Variants in ARHGAP8 observed in about 807,000 individuals in gnomAD.
ARHGAP8 encodes the protein rho GTPase-activating protein 8.
In ARHGAP8, 62 loss-of-function variants were observed where a neutral mutation model predicts 46.1. The observed-to-expected ratio is 1.34, with a 90% CI of 1.10 to 1.66. The LOEUF is 1.66. Ranked by LOEUF, ARHGAP8 falls within the 40% of genes most tolerant of loss-of-function variation. ARHGAP8 has a pLI of 0.00. For missense variants in ARHGAP8, 923 were observed against 568.4 expected, an observed-to-expected ratio of 1.62 and a Z score of -6.34; for synonymous variants, 375 against 243.1, an observed-to-expected ratio of 1.54 and a Z score of -5.05.
At chr22:44,856,683 A>G (rs2070234790) in intron 10 of ARHGAP8, among the ~76,000 whole-genome samples, 1 of 144,502 alleles carries the variant, frequency 6.9e-6, no homozygotes, top group Non-Finnish European at 1.5e-5. Context: ...CGAAAGGAGA[A>G]TCGTATCCCA....
chr22:44,807,162 T>A (rs1928989018), intron 3 of ARHGAP8, among the ~76,000 whole-genome samples: 3 of 151,948 alleles, frequency 2.0e-5, no homozygotes, highest in Admixed American at 1.3e-4. Flanking sequence ...GTGGGTTAAT[T>A]ACAAGATGTG....
chr22:44,836,687 C>T (rs746064177), intron 7 of ARHGAP8, among the ~76,000 whole-genome samples: 1 of 151,738 alleles, frequency 6.6e-6, no homozygotes, highest in African/African-American at 2.4e-5. Context: ...GTGCAAGCTG[C>T]AGCCATTCAT....
At chr22:44,806,448 C>T (rs10222313) in intron 3 of ARHGAP8, among the ~76,000 whole-genome samples, 39,940 of 152,136 alleles carry the variant, frequency 0.26, 5,996 homozygotes, top group East Asian at 0.4. Flanking sequence ...TTCTCAGAGA[C>T]GCTGAGTGTG....
chr22:44,833,816 C>A (rs1251532211), intron 7 of ARHGAP8, among the ~76,000 whole-genome samples: 5 of 152,136 alleles, frequency 3.3e-5, no homozygotes, highest in Admixed American at 2.6e-4. Flanking sequence ...TTTAAAATTA[C>A]TAATGTAACC....
intron 1 of ARHGAP8, among the ~76,000 whole-genome samples, chr22:44,764,471 C>T (rs902542272): frequency 5.9e-5 from 9 of 152,138 alleles, no homozygotes; most frequent in African/African-American, 2.2e-4. Flanking sequence ...GGTGGTGGCG[C>T]GTGCGACGGT....
intron 5 of ARHGAP8, among the ~76,000 whole-genome samples, chr22:44,815,818 A>G (rs1929698723): frequency 6.6e-6 from 1 of 151,580 alleles, no homozygotes; most frequent in Non-Finnish European, 1.5e-5. Flanking sequence ...TGTATGCATC[A>G]GGCACAAACT....
At chr22:44,838,123 G>A (rs1385089311) in intron 7 of ARHGAP8, among the ~76,000 whole-genome samples, 6 of 150,218 alleles carry the variant, frequency 4.0e-5, no homozygotes, top group Admixed American at 2.7e-4. Context: ...ACAGGAGTGC[G>A]CCACCATGCC....
chr22:44,859,460 G>A (rs553215036), intron 10 of ARHGAP8, among the ~76,000 whole-genome samples: 3 of 152,286 alleles, frequency 2.0e-5, no homozygotes, highest in East Asian at 1.9e-4. Context: ...AGCTGAACAG[G>A]TGCTGGTGCC....
rs147582478 is a variant in ARHGAP8 at position 44,845,299 on chromosome 22, C to A, written c.627C>A (p.Ile209=). Residue 209 remains isoleucine, a synonymous_variant, in exon 8 of 12, where the codon ATC becomes ATA. Transcript: ENST00000356099. The stretch of plus-strand genomic sequence containing the variant: ...AAGACAAAAATCAAGGCGAACTCAT[C>A]CCCCCTGTGCTGAGGTTCACAGTGA... The part of the protein sequence containing the change: ...YLKDKNQGEL[I]PPVLRFTVTY... 400 of 1,614,032 alleles carry A rather than the reference C, an allele frequency of 2.5e-4. No homozygotes were observed. In the African/African-American group the frequency reaches 4.5e-3, roughly 18 times the overall value.
intron 4 of ARHGAP8, among the ~76,000 whole-genome samples, chr22:44,811,243 C>CTAG (rs1929312253): frequency 6.6e-6 from 1 of 152,230 alleles, no homozygotes; most frequent in Admixed American, 6.5e-5. Flanking sequence ...TGGATGAAAT[C>CTAG]TAGCCGGGGA....
chr22:44,780,071 G>A (rs1259342997), intron 1 of ARHGAP8, among the ~76,000 whole-genome samples: 3 of 152,222 alleles, frequency 2.0e-5, no homozygotes, highest in African/African-American at 7.2e-5. Context: ...GGACTTTGAG[G>A]AGCTGGCCGG....
intron 5 of ARHGAP8, among the ~76,000 whole-genome samples, chr22:44,818,528 T>C (rs989274490): frequency 1.3e-5 from 2 of 151,712 alleles, no homozygotes; most frequent in African/African-American, 2.4e-5. Flanking sequence ...CTGCCTGGGC[T>C]CGACTGCTCT....
At chr22:44,829,829 A>C (rs1930812791) in intron 7 of ARHGAP8, among the ~76,000 whole-genome samples, 1 of 152,172 alleles carries the variant, frequency 6.6e-6, no homozygotes, top group Admixed American at 6.5e-5. Context: ...GAATGAGCTA[A>C]TGAAGTTAAT....
chr22:44,775,062 C>CT (rs1274696190), intron 1 of ARHGAP8, among the ~76,000 whole-genome samples: 14 of 152,206 alleles, frequency 9.2e-5, no homozygotes, highest in Non-Finnish European at 1.9e-4. Context: ...GAACTCCTGA[C>CT]TTCAGTTGAT....
chr22:44,808,647 TTTTTC>T (rs1180126335), intron 4 of ARHGAP8: 11 of 908,884 alleles, frequency 1.2e-5, no homozygotes, highest in African/African-American at 3.3e-5. Flanking sequence ...CTCATTTTTT[TTTTTC>T]TTTCTTTCTT....
intron 1 of ARHGAP8, among the ~76,000 whole-genome samples, chr22:44,776,315 G>A (rs1366140764): frequency 1.3e-5 from 2 of 152,156 alleles, no homozygotes; most frequent in East Asian, 3.9e-4. Flanking sequence ...AGCCGAGCAT[G>A]GTGGCGGGTA....
intron 6 of ARHGAP8, among the ~76,000 whole-genome samples, chr22:44,824,488 G>A (rs1382999839): frequency 6.6e-6 from 1 of 152,156 alleles, no homozygotes; most frequent in Non-Finnish European, 1.5e-5. Context: ...CCAACTAATG[G>A]TCATGTGCCC....
intron 7 of ARHGAP8, among the ~76,000 whole-genome samples, chr22:44,838,855 G>C (rs1424320137): frequency 6.6e-6 from 1 of 152,180 alleles, no homozygotes; most frequent in East Asian, 1.9e-4. Flanking sequence ...CCTGGCATTG[G>C]GACAATTTTC....
At chr22:44,845,990 G>C (rs2069945737) in intron 8 of ARHGAP8, among the ~76,000 whole-genome samples, 3 of 148,936 alleles carry the variant, frequency 2.0e-5, no homozygotes, top group African/African-American at 7.5e-5. Context: ...CAGATGCGTG[G>C]GTGTCAGACA....
Sources: allele counts gnomAD v4.1 joint callset (sites outside exome capture counted in the v4.1 genomes callset), GRCh38; gene constraint gnomAD v4.1.1; transcripts MANE v1.5; gene names NCBI Gene and HGNC (gene_info 2026-07-23, HGNC 2026-07-21).